GPC1: variants seen among roughly 807,000 people sequenced by gnomAD.
GPC1 encodes glypican 1, also known as glypican-1.
GPC1 carries 26 observed loss-of-function variants against 51.5 expected under a neutral mutation model. That is an observed-to-expected ratio of 0.50 (90% CI 0.37 to 0.70). The LOEUF is 0.70. Among genes scored for constraint, GPC1 ranks in the 30% least tolerant of loss-of-function variants. The probability of loss-of-function intolerance (pLI) is 0.00; values close to 1 mark genes in which losing one functional copy is unlikely to be tolerated. For missense variants in GPC1, 775 were observed against 800.5 expected, an observed-to-expected ratio of 0.97 and a Z score of 0.38; for synonymous variants, 380 against 348.3, an observed-to-expected ratio of 1.09 and a Z score of -1.01.
Position 240,435,959 on chromosome 2 carries a change from C to G in GPC1, c.41C>G (p.Ala14Gly). The G allele has an allele frequency of 7.6e-7, 1 of 1,320,448 alleles. No individual in the cohort carries two copies. Among genetic ancestry groups the G allele is most frequent in the Non-Finnish European group, 9.7e-7 (1 of 1,034,890 alleles). 81.8% of individuals were successfully genotyped at this position (1,320,448 alleles called of 1,614,324 possible). Residue 14 changes from alanine to glycine, a missense_variant, in exon 1 of 9, where the codon GCC (alanine) becomes GGC (glycine). Physicochemically the swap from Ala to Gly is moderately conservative, Grantham distance 60. Transcript: ENST00000264039. ...RARGWWLLCA[A>G]AALVACARGD... The stretch of plus-strand genomic sequence containing the variant: ...CGAGGCTGGTGGCTGCTATGTGCGG[C>G]CGCAGCGCTGGTCGCCTGCGCCCGC...
intron 1 of GPC1, chr2:240,451,607 C>T (rs2074100249): frequency 1.6e-5 from 4 of 247,176 alleles, no homozygotes; most frequent in Admixed American, 5.6e-5. Flanking sequence ...ATCCTGGGTT[C>T]GAAGAGTGGG....
chr2:240,466,284 G>A lies in GPC1; in HGVS notation c.1671G>A (p.Trp557Ter). The change falls in exon 9 of 9, where the codon TGG becomes TGA. Residue 557 changes from tryptophan (W) to a stop codon, truncating the protein, a stop_gained. Coordinates refer to ENST00000264039, the MANE Select transcript of GPC1 (RefSeq NM_002081.3). LOFTEE classifies it high-confidence loss of function. Reference sequence around the variant, plus strand: ...CCCTTACAGTAGCCAGGCCCCGGTGGCGGTAACTGCCCCAAGGCCCCAGGG... The same window carrying A: ...CCCTTACAGTAGCCAGGCCCCGGTGACGGTAACTGCCCCAAGGCCCCAGGG... ...FLALTVARPR[W>*]R 6.4e-7 allele frequency: 1 copy of A among 1,570,530 alleles called. No homozygotes were observed. The highest frequency in any genetic ancestry group is 8.8e-7 in the Non-Finnish European group (1 of 1,141,230).
chr2:240,447,847 G>A (rs1206228703), intron 1 of GPC1, among the ~76,000 whole-genome samples: 1 of 152,152 alleles, frequency 6.6e-6, no homozygotes, highest in Non-Finnish European at 1.5e-5. Context: ...TGGGGAGGGA[G>A]GAAGGCCAGG....
At position 240,448,161 on chromosome 2, in the gene GPC1, T is replaced by C. The variant is rs1057044827; in HGVS notation, c.167-10869T>C. Among the ~76,000 whole-genome samples the C allele has an allele frequency of 2.0e-5, 3 of 152,052 alleles. No homozygotes were observed. Among genetic ancestry groups the C allele is most frequent in the Non-Finnish European group, 4.4e-5 (3 of 67,994 alleles). ...AGTTCAGGAGGCACCGCAGGCCCTG[T>C]GGAGAGGCAGGAAGGGCAGGAGATG... On this transcript the variant is annotated intron_variant, in intron 1 of 8. Coordinates refer to ENST00000264039, the MANE Select transcript of GPC1 (RefSeq NM_002081.3). The surrounding 1 kb of genome is among the most constrained non-coding windows in gnomAD (Gnocchi z 4.5).
At chr2:240,438,586 C>T (rs1228139619) in intron 1 of GPC1, among the ~76,000 whole-genome samples, 1 of 152,210 alleles carries the variant, frequency 6.6e-6, no homozygotes, top group African/African-American at 2.4e-5. Flanking sequence ...TGGGGTTGGG[C>T]ACCTCGCTGG....
At position 240,448,645 on chromosome 2, in the gene GPC1, C is replaced by T. The variant is rs1041400221; in HGVS notation, c.167-10385C>T. 2.0e-5 allele frequency among the ~76,000 whole-genome samples: 3 copies of T among 151,894 alleles called. No homozygotes were observed. Among genetic ancestry groups the T allele is most frequent in the Admixed American group, 1.3e-4 (2 of 15,258 alleles). On this transcript the variant is annotated intron_variant, in intron 1 of 8. Transcript: ENST00000264039. This position sits in a 1 kb window ranked among gnomAD's most constrained non-coding sequence, Gnocchi z 4.5. ...AGGTCGGAGCTCACCTTTGGGGAGG[C>T]GATCAGGCAGGCACATGACAGGACC...
Position 240,462,438 on chromosome 2 carries a change from C to T in GPC1, c.573C>T (p.Cys191=). Residue 191 remains cysteine (C), a synonymous_variant, in exon 3 of 9, where the codon TGC becomes TGT. Coordinates refer to ENST00000264039, the MANE Select transcript of GPC1 (RefSeq NM_002081.3). ...QLLLPDDYLD[C]LGKQAEALRP... ...TGCTGCCTGATGACTACCTGGACTG[C>T]CTGGGCAAGCAGGCCGAGGCGCTGC... is the stretch of plus-strand genomic sequence containing the variant. 6.2e-7 allele frequency: 1 copy of T among 1,606,182 alleles called. No individual in the cohort carries two copies. Among genetic ancestry groups the T allele is most frequent in the South Asian group, 1.1e-5 (1 of 90,230 alleles).
chr2:240,438,003 G>A (rs1176106497), intron 1 of GPC1, among the ~76,000 whole-genome samples: 1 of 152,216 alleles, frequency 6.6e-6, no homozygotes, highest in Non-Finnish European at 1.5e-5. Flanking sequence ...GTTGGGGAAT[G>A]CAGTGGGTTA....
chr2:240,459,119 G>C lies in GPC1; in HGVS notation c.256G>C (p.Glu86Gln). ...GGCCAACCGCAGCCATGCCGAGCTGGAGACCGCGCTCCGGGACAGCAGCCG... is the reference window on the plus strand; with the variant it reads ...GGCCAACCGCAGCCATGCCGAGCTGCAGACCGCGCTCCGGGACAGCAGCCG... Reference protein sequence around the residue: ...NLANRSHAELETALRDSSRVL... With the variant: ...NLANRSHAELQTALRDSSRVL... The change falls in exon 2 of 9, where the codon GAG becomes CAG. Residue 86 changes from glutamate (E) to glutamine (Q), a missense_variant. By Grantham distance (29) the Glu-to-Gln change is conservative (BLOSUM62 2). Transcript: ENST00000264039. The C allele has an allele frequency of 6.2e-7, 1 of 1,612,786 alleles. No homozygotes were observed. The highest frequency in any genetic ancestry group is 8.5e-7 in the Non-Finnish European group (1 of 1,179,908).
chr2:240,458,045 T>G, intron 1 of GPC1: 1 of 470,896 alleles, frequency 2.1e-6, no homozygotes, highest in South Asian at 1.5e-5. Context: ...GCCCCGTCAG[T>G]GTGGAGTCCT....
intron 1 of GPC1, 112 bp from the exon 2 acceptor site, chr2:240,458,918 T>G: frequency 2.2e-5 from 22 of 998,578 alleles, no homozygotes; most frequent in South Asian, 3.2e-5. Flanking sequence ...GGCCCACCCC[T>G]GAGCTGTGCT....
At position 240,448,068 on chromosome 2, in the gene GPC1, G is replaced by A. The variant is rs559939880; in HGVS notation, c.167-10962G>A. 2.0e-5 allele frequency among the ~76,000 whole-genome samples: 3 copies of A among 152,294 alleles called. No individual in the cohort carries two copies. The highest frequency in any genetic ancestry group is 4.1e-4 in the South Asian group (2 of 4,820). ...CCCAGGGCACAGTGACAGTGGAACGGCCGGAGGCGCTCTCGAGCCCGCCTT... is the reference window on the plus strand; with the variant it reads ...CCCAGGGCACAGTGACAGTGGAACGACCGGAGGCGCTCTCGAGCCCGCCTT... On this transcript the variant is annotated intron_variant, in intron 1 of 8. Transcript: ENST00000264039. The surrounding 1 kb of genome is among the most constrained non-coding windows in gnomAD (Gnocchi z 4.5).
chr2:240,465,915 G>A (rs747474714), intron 8 of GPC1, 143 bp from the exon 9 acceptor site: 8 of 633,738 alleles, frequency 1.3e-5, no homozygotes, highest in Middle Eastern at 4.2e-4. Flanking sequence ...CAGCCTCAGG[G>A]GTCAGCGGGG....
chr2:240,460,527 A>C (rs992886274), intron 2 of GPC1, among the ~76,000 whole-genome samples: 1 of 151,496 alleles, frequency 6.6e-6, no homozygotes, highest in African/African-American at 2.4e-5. Context: ...CCATCACACC[A>C]TCCTCCTGGC....
chr2:240,466,071 C>G lies in GPC1; in HGVS notation c.1458C>G (p.Ser486Arg). Residue 486 changes from serine to arginine, a missense_variant, in exon 9 of 9, where the codon AGC becomes AGG. Transcript: ENST00000264039. ...TCTCCTTCCCAGGTGACGACGGCAG[C>G]GGCTCGGGCAGCGGTGATGGCTGTC... The part of the protein sequence containing the change: ...VDFQDASDDG[S>R]GSGSGDGCLD... The G allele has an allele frequency of 6.2e-7, 1 of 1,608,952 alleles. No individual in the cohort carries two copies. Among genetic ancestry groups the G allele is most frequent in the Non-Finnish European group, 8.5e-7 (1 of 1,177,444 alleles).
In GPC1 at chr2:240,459,136, C is replaced by G; in HGVS notation, c.273C>G (p.Asp91Glu). Reference protein sequence around the residue: ...SHAELETALRDSSRVLQAMLA... With the variant: ...SHAELETALRESSRVLQAMLA... ...CCGAGCTGGAGACCGCGCTCCGGGA[C>G]AGCAGCCGCGTCCTGCAGGCCATGC... Residue 91 changes from aspartate (D) to glutamate (E), a missense_variant, in exon 2 of 9, where the codon GAC becomes GAG. Asp to Glu is a conservative substitution (Grantham distance 45). Coordinates refer to ENST00000264039, the MANE Select transcript of GPC1 (RefSeq NM_002081.3). The G allele has an allele frequency of 6.2e-7, 1 of 1,612,642 alleles. No individual in the cohort carries two copies. The highest frequency in any genetic ancestry group is 1.1e-5 in the South Asian group (1 of 91,058).
chr2:240,459,554 C>T (rs1230885533), intron 2 of GPC1, among the ~76,000 whole-genome samples: 1 of 152,320 alleles, frequency 6.6e-6, no homozygotes, highest in South Asian at 2.1e-4. Flanking sequence ...TCGTCAAGTG[C>T]CCCAGGCCAC....
At chr2:240,463,743 G>A (rs2074236770) in intron 4 of GPC1, 2 of 563,014 alleles carry the variant, frequency 3.6e-6, no homozygotes, top group Non-Finnish European at 6.3e-6. Context: ...AGCCCTGTGG[G>A]GTCATAGTTT....
intron 1 of GPC1, among the ~76,000 whole-genome samples, chr2:240,455,606 C>T (rs2074151443): frequency 6.6e-6 from 1 of 152,192 alleles, no homozygotes; most frequent in Non-Finnish European, 1.5e-5. Context: ...GCCTCTCTAT[C>T]CCCAGGTGTT....
Sources: allele counts gnomAD v4.1 joint callset (sites outside exome capture counted in the v4.1 genomes callset), GRCh38; gene constraint gnomAD v4.1.1; non-coding constraint Gnocchi (gnomAD v3.1); transcripts MANE v1.5; gene names NCBI Gene and HGNC (gene_info 2026-07-23, HGNC 2026-07-21).